The following ZNRF3 variants were observed in gnomAD, a reference collection of about 807,000 sequenced individuals.
ZNRF3 encodes E3 ubiquitin-protein ligase ZNRF3.
Under a neutral mutation model 72.5 loss-of-function variants are expected in ZNRF3, and 23 were observed. That is an observed-to-expected ratio of 0.32 (90% CI 0.23 to 0.45). The LOEUF (loss-of-function observed/expected upper bound fraction) is 0.45, where lower values mean the gene tolerates loss of function less well. ZNRF3 is among the 20% of genes least tolerant of loss of function. ZNRF3 has a pLI of 1.00. For missense variants in ZNRF3, 1,169 were observed against 1,272.1 expected (o/e 0.92, Z 1.23); for synonymous variants, 610 against 545.3 (o/e 1.12, Z -1.65).
intron 1 of ZNRF3, among the ~76,000 whole-genome samples, chr22:28,970,327 G>A (rs1194779988): frequency 1.3e-5 from 2 of 152,186 alleles, no homozygotes; most frequent in Non-Finnish European, 2.9e-5. Flanking sequence ...ATACTGCTAC[G>A]TGCCACTAGA....
chr22:28,994,087 C>T (rs2036002828), intron 2 of ZNRF3, among the ~76,000 whole-genome samples: 1 of 151,322 alleles, frequency 6.6e-6, no homozygotes, highest in Non-Finnish European at 1.5e-5. Flanking sequence ...ATTCCTGGCA[C>T]AACCAAAAGC....
chr22:28,978,476 C>A (rs1454140585), intron 1 of ZNRF3, among the ~76,000 whole-genome samples: 1 of 152,172 alleles, frequency 6.6e-6, no homozygotes, highest in Admixed American at 6.5e-5. Flanking sequence ...CTTCAGATGT[C>A]CACTCCTCAG....
At chr22:28,993,330 C>T (rs1319771672) in intron 2 of ZNRF3, among the ~76,000 whole-genome samples, 1 of 152,178 alleles carries the variant, frequency 6.6e-6, no homozygotes, top group African/African-American at 2.4e-5. Context: ...CACATTTAAG[C>T]AAATGTGAAA....
intron 2 of ZNRF3, among the ~76,000 whole-genome samples, chr22:28,998,286 G>A (rs1410197274): frequency 2.0e-5 from 3 of 151,478 alleles, no homozygotes; most frequent in East Asian, 1.9e-4. Context: ...GCGACAGAGC[G>A]AGACTCCGTC....
chr22:29,050,621 C>T lies in ZNRF3; in HGVS notation c.2440C>T (p.Pro814Ser). ...VSVQYTLTEE[P>S]PPGCYPGARD... ...TGTGCAGTACACGCTCACCGAGGAA[C>T]CACCGCCCGGCTGCTACCCCGGGGC... The change falls in exon 8 of 9, where the codon CCA becomes TCA. Residue 814 changes from proline to serine, a missense_variant. By Grantham distance (74) the Pro-to-Ser change is moderately conservative. This residue lies in a region of ZNRF3 where 783 missense variants were observed against 731.4 expected (regional missense o/e 1.07). Coordinates refer to ENST00000544604, the MANE Select transcript of ZNRF3 (RefSeq NM_001206998.2). 6.2e-7 allele frequency: 1 copy of T among 1,610,894 alleles called. No individual in the cohort carries two copies. The highest frequency in any genetic ancestry group is 8.5e-7 in the Non-Finnish European group (1 of 1,178,974).
intron 1 of ZNRF3, among the ~76,000 whole-genome samples, chr22:28,944,333 AC>A (rs1185556845): frequency 6.6e-6 from 1 of 152,074 alleles, no homozygotes; most frequent in African/African-American, 2.4e-5. Context: ...ATATAAACTT[AC>A]TACTTTGGCT....
chr22:29,046,667 C>T, intron 5 of ZNRF3, 49 bp from the exon 6 acceptor site: 1 of 1,481,574 alleles, frequency 6.7e-7, no homozygotes, highest in South Asian at 1.5e-5. Context: ...GGGTGACTGC[C>T]ACTTTCATAC....
chr22:28,975,410 G>C (rs926423941), intron 1 of ZNRF3, among the ~76,000 whole-genome samples: 6 of 150,160 alleles, frequency 4.0e-5, no homozygotes, highest in Admixed American at 3.4e-4. Flanking sequence ...GCTGAGGCAG[G>C]AGAATCACTT....
chr22:28,918,377 C>G (rs916428560), intron 1 of ZNRF3, among the ~76,000 whole-genome samples: 1 of 152,154 alleles, frequency 6.6e-6, no homozygotes, highest in Non-Finnish European at 1.5e-5. Flanking sequence ...AGGGAGTTTG[C>G]TGGGTGACTG....
chr22:29,022,600 A>C (rs544469730), intron 2 of ZNRF3, among the ~76,000 whole-genome samples: 1 of 152,360 alleles, frequency 6.6e-6, no homozygotes, highest in East Asian at 1.9e-4. Flanking sequence ...TGGGGGAAAA[A>C]GAACCCACAA....
intron 1 of ZNRF3, among the ~76,000 whole-genome samples, chr22:28,952,332 G>A (rs1362639630): frequency 2.0e-5 from 3 of 152,202 alleles, no homozygotes; most frequent in Admixed American, 6.5e-5. Context: ...CCTTCTGGAC[G>A]GGTGCTCCAC....
chr22:28,984,163 A>G lies in ZNRF3; in HGVS notation c.301-2913A>G, dbSNP rs145804414. Among the ~76,000 whole-genome samples, 740 of 152,012 alleles carry G rather than the reference A, an allele frequency of 4.9e-3. 4 individuals are homozygous for G. The highest frequency in any genetic ancestry group is 0.015 in the African/African-American group (640 of 41,432). On this transcript the variant is annotated intron_variant, in intron 1 of 8. Coordinates refer to ENST00000544604, the MANE Select transcript of ZNRF3 (RefSeq NM_001206998.2). Reference sequence around the variant, plus strand: ...AACCTTTTAATTGTGAAATTCATATAAAATTCACCATTTTAATCATTTTAA... The same window carrying G: ...AACCTTTTAATTGTGAAATTCATATGAAATTCACCATTTTAATCATTTTAA...
chr22:28,883,953 G>C lies in ZNRF3; in HGVS notation c.187G>C (p.Val63Leu). 1 of 1,287,862 alleles carries C rather than the reference G, an allele frequency of 7.8e-7. No homozygotes were observed. The highest frequency in any genetic ancestry group is 1.0e-6 in the Non-Finnish European group (1 of 997,870). The allele number at this position is 1,287,862 out of a possible 1,614,324, so 79.8% of individuals were successfully genotyped here. The change falls in exon 1 of 9, where the codon GTG (valine) becomes CTG (leucine). Residue 63 changes from valine to leucine, a missense_variant. Physicochemically the swap from Val to Leu is conservative, Grantham distance 32 (BLOSUM62 1). This residue lies in a region of ZNRF3 where 386 missense variants were observed against 540.7 expected (regional missense o/e 0.71). Transcript: ENST00000544604. The surrounding 1 kb of genome is among the most constrained non-coding windows in gnomAD (Gnocchi z 5.5). ...GGCCAAGGAGACGGCGTTCGTGGAG[G>C]TGGTGCTGTTCGAGTCGAGCCCAAG... ...ARAKETAFVE[V>L]VLFESSPSGD... is the part of the protein sequence containing the mutation.
intron 4 of ZNRF3, 27 bp downstream of exon 4, chr22:29,043,457 G>T (rs1166397148): frequency 6.2e-7 from 1 of 1,610,778 alleles, no homozygotes; most frequent in Non-Finnish European, 8.5e-7. Flanking sequence ...TTTGGCACAG[G>T]CTCGGGGCCT....
chr22:28,929,512 G>A (rs758826627), intron 1 of ZNRF3, among the ~76,000 whole-genome samples: 4 of 152,192 alleles, frequency 2.6e-5, no homozygotes, highest in African/African-American at 9.7e-5. Flanking sequence ...GGGCAAAGTT[G>A]ACCTCAGTTG....
At chr22:29,045,666 G>A (rs899179839) in intron 5 of ZNRF3, among the ~76,000 whole-genome samples, 36 of 152,154 alleles carry the variant, frequency 2.4e-4, no homozygotes, top group African/African-American at 8.4e-4. Context: ...TAATAGAGAC[G>A]GGGTTTTACC....
At chr22:29,025,012 C>T (rs1399902657) in intron 2 of ZNRF3, 2 of 125,892 alleles carry the variant, frequency 1.6e-5, no homozygotes, top group Non-Finnish European at 3.2e-5. Context: ...GACAGAATCT[C>T]GCTCTGTCGC....
chr22:28,983,510 T>G (rs1017963962), intron 1 of ZNRF3, among the ~76,000 whole-genome samples: 1 of 152,198 alleles, frequency 6.6e-6, no homozygotes, highest in African/African-American at 2.4e-5. Context: ...TTCAGCTGCC[T>G]CTTGGTTTCC....
intron 1 of ZNRF3, among the ~76,000 whole-genome samples, chr22:28,944,447 C>T (rs2035008914): frequency 6.6e-6 from 1 of 151,648 alleles, no homozygotes; most frequent in Non-Finnish European, 1.5e-5. Context: ...ATGGTGAAAC[C>T]CCGTCTCTAC....
Sources: gnomAD v4.1 joint callset for allele counts (sites outside exome capture counted in the v4.1 genomes callset) on GRCh38, gnomAD v4.1.1 for gene constraint, gnomAD v4.1.1 regional missense constraint, Gnocchi (gnomAD v3.1) non-coding constraint, MANE v1.5 for transcripts, NCBI Gene and HGNC (gene_info 2026-07-23, HGNC 2026-07-21) for gene names.